The following ADAMTS17 variants were observed in gnomAD, a reference collection of about 807,000 sequenced individuals.
The protein encoded by ADAMTS17 is ADAM metallopeptidase with thrombospondin type 1 motif 17.
ADAMTS17 carries 113 observed loss-of-function variants against 141.5 expected under a neutral mutation model. The ratio of observed to expected loss-of-function variants is 0.80; its 90% CI spans 0.69 to 0.93. ADAMTS17 has a LOEUF of 0.93. Among genes scored for constraint, ADAMTS17 ranks in the 40% least tolerant of loss-of-function variants. ADAMTS17 has a pLI of 0.00. For synonymous variants in ADAMTS17, 768 were observed against 630.6 expected (o/e 1.22, Z -3.27); for missense variants, 1,659 against 1,517.9 (o/e 1.09, Z -1.54).
chr15:100,097,043 C>T (rs892262315), intron 14 of ADAMTS17, among the ~76,000 whole-genome samples: 1 of 152,182 alleles, frequency 6.6e-6, no homozygotes, highest in Non-Finnish European at 1.5e-5. Flanking sequence ...TGAAGAGCCC[C>T]ATCTCTCATA....
At chr15:100,028,764 C>G (rs2141476916) in intron 18 of ADAMTS17, among the ~76,000 whole-genome samples, 1 of 152,262 alleles carries the variant, frequency 6.6e-6, no homozygotes, top group Non-Finnish European at 1.5e-5. Flanking sequence ...TCTCAGGGTT[C>G]CCTCCTTAGT....
At chr15:100,341,699 C>T in intron 1 of ADAMTS17, 122 bp downstream of exon 1, 1 of 1,292,852 alleles carries the variant, frequency 7.7e-7, no homozygotes, top group Non-Finnish European at 1.0e-6. Context: ...GCCCGCGCCT[C>T]CTCCGCTCGG....
intron 14 of ADAMTS17, 42 bp from the exon 15 acceptor site, chr15:100,096,518 AGAG>A (rs1284562704): frequency 6.2e-6 from 10 of 1,613,652 alleles, no homozygotes; most frequent in Non-Finnish European, 8.5e-6. Context: ...GTTAAGACTC[AGAG>A]GAGTTTTAAA....
chr15:100,224,202 G>T (rs766766643), intron 7 of ADAMTS17, among the ~76,000 whole-genome samples: 2 of 152,104 alleles, frequency 1.3e-5, no homozygotes, highest in African/African-American at 4.8e-5. Context: ...GTTGACACTC[G>T]GTATTAACCA....
chr15:100,054,493 A>G (rs1166909436), intron 15 of ADAMTS17, among the ~76,000 whole-genome samples: 1 of 152,228 alleles, frequency 6.6e-6, no homozygotes, highest in Non-Finnish European at 1.5e-5. Flanking sequence ...AGCAAAACTC[A>G]TCAGTTCCCT....
chr15:100,029,959 A>G (rs1266314869), intron 18 of ADAMTS17, among the ~76,000 whole-genome samples: 1 of 152,048 alleles, frequency 6.6e-6, no homozygotes, highest in East Asian at 1.9e-4. Flanking sequence ...GGGGCCCAGC[A>G]CTCTGTCAGT....
chr15:100,199,151 G>A (rs559414645), intron 8 of ADAMTS17, among the ~76,000 whole-genome samples, 167 bp downstream of exon 8: 2 of 152,348 alleles, frequency 1.3e-5, no homozygotes, highest in East Asian at 1.9e-4. Context: ...CAGTCATCTC[G>A]TGGGGTCTCT....
chr15:99,994,636 G>A (rs1284878631), intron 19 of ADAMTS17, among the ~76,000 whole-genome samples: 4 of 152,006 alleles, frequency 2.6e-5, no homozygotes, highest in East Asian at 1.9e-4. Context: ...GTGCAATATC[G>A]GCTCACTGCA....
chr15:100,200,138 C>T (rs888966539), intron 7 of ADAMTS17, among the ~76,000 whole-genome samples: 3 of 152,230 alleles, frequency 2.0e-5, no homozygotes, highest in Non-Finnish European at 2.9e-5. Context: ...CACACACATG[C>T]TCGCACCTAA....
At position 100,155,161 on chromosome 15, in the gene ADAMTS17, GAAT is replaced by G; in HGVS notation, c.1322+16_1322+18del. 6.2e-7 allele frequency: 1 copy of G among 1,614,188 alleles called. No homozygotes were observed. On this transcript the variant is annotated intron_variant, in intron 9 of 21. Transcript: ENST00000268070. ...TACTTTTGATTGCATTCATCCTATA[GAAT>G]AATTCCAGGACTTACTTGAGGAAGT... is the stretch of plus-strand genomic sequence containing the variant.
intron 6 of ADAMTS17, 27 bp from the exon 7 acceptor site, chr15:100,254,206 G>T (rs752091790): frequency 6.3e-7 from 1 of 1,596,702 alleles, no homozygotes; most frequent in Non-Finnish European, 8.6e-7. Context: ...CCATCATCAG[G>T]TATATGCAGT....
At chr15:100,156,256 T>C (rs902818288) in intron 8 of ADAMTS17, among the ~76,000 whole-genome samples, 2 of 152,226 alleles carry the variant, frequency 1.3e-5, no homozygotes, top group Non-Finnish European at 2.9e-5. Flanking sequence ...AGTTTGCTCA[T>C]AGATATCTGA....
intron 3 of ADAMTS17, among the ~76,000 whole-genome samples, chr15:100,327,059 T>C (rs1024475126): frequency 2.0e-5 from 3 of 150,912 alleles, no homozygotes; most frequent in Non-Finnish European, 4.4e-5. Flanking sequence ...AGGTTGCACA[T>C]TTTTTTTGTG....
In ADAMTS17 at chr15:100,073,733, A is replaced by G. The variant is rs1298724933; in HGVS notation, c.2138-19679T>C. Among the ~76,000 whole-genome samples the G allele has an allele frequency of 5.1e-5, 6 of 116,932 alleles. No individual in the cohort carries two copies. The East Asian group carries it at 1.6e-3, about 30-fold the overall frequency. The allele number at this position is 116,932 out of a possible 152,430, so 76.7% of individuals were successfully genotyped here. A position where few individuals can be genotyped will look rare whatever the true frequency, so the allele number is the denominator to read the frequency against. On this transcript the variant is annotated intron_variant, in intron 15 of 21. Coordinates refer to ENST00000268070, the MANE Select transcript of ADAMTS17 (RefSeq NM_139057.4). ...AACAATGAGAACACATGGATACAGG[A>G]AGGGGAACATCACACACTGGGGACT...
chr15:100,181,374 C>A lies in ADAMTS17; in HGVS notation c.1181+17944G>T, dbSNP rs543555377. ...TACTTTTCCCTCTGCTTTTCTCAAG[C>A]AGAAGGAGTCTCTTACCATAGCCAC... is the stretch of plus-strand genomic sequence containing the variant. On this transcript the variant is annotated intron_variant, in intron 8 of 21. Transcript: ENST00000268070. 2.0e-5 allele frequency among the ~76,000 whole-genome samples: 3 copies of A among 152,298 alleles called. No individual in the cohort carries two copies. In the East Asian group the frequency reaches 5.8e-4, roughly 29 times the overall value.
At chr15:100,321,560 C>G (rs989368660) in intron 3 of ADAMTS17, among the ~76,000 whole-genome samples, 1 of 152,104 alleles carries the variant, frequency 6.6e-6, no homozygotes, top group Non-Finnish European at 1.5e-5. Context: ...GCAATACTAA[C>G]GTTAGCTGAA....
At chr15:100,322,334 A>G (rs1237030080) in intron 3 of ADAMTS17, among the ~76,000 whole-genome samples, 1 of 152,200 alleles carries the variant, frequency 6.6e-6, no homozygotes, top group Non-Finnish European at 1.5e-5. Flanking sequence ...TTCTGTATAT[A>G]AATTCTACCC....
intron 20 of ADAMTS17, among the ~76,000 whole-genome samples, chr15:99,982,237 G>A (rs1444584004): frequency 1.3e-5 from 2 of 152,218 alleles, no homozygotes; most frequent in Non-Finnish European, 2.9e-5. Context: ...AGCGAGCTGG[G>A]CAGGGAGCTC....
At chr15:100,331,830 T>C (rs1348773416) in intron 2 of ADAMTS17, among the ~76,000 whole-genome samples, 2 of 152,182 alleles carry the variant, frequency 1.3e-5, no homozygotes, top group African/African-American at 2.4e-5. Flanking sequence ...CCAAATCACC[T>C]GGAGGTCCTG....
Sources: allele counts gnomAD v4.1 joint callset (sites outside exome capture counted in the v4.1 genomes callset), GRCh38; gene constraint gnomAD v4.1.1; transcripts MANE v1.5; gene names NCBI Gene and HGNC (gene_info 2026-07-23, HGNC 2026-07-21).